The following ULK4 variants were observed in gnomAD, a reference collection of about 807,000 sequenced individuals.
The protein encoded by ULK4 is unc-51 like kinase 4.
In ULK4, 133 loss-of-function variants were observed where a neutral mutation model predicts 160.6. The ratio of observed to expected loss-of-function variants is 0.83; its 90% confidence interval spans 0.72 to 0.96. The LOEUF (loss-of-function observed/expected upper bound fraction) is 0.96, where lower values mean the gene tolerates loss of function less well. Ranked by LOEUF, ULK4 falls within the 40% of genes least tolerant of loss-of-function variation. The pLI is 0.00. For missense variants in ULK4, 1,580 were observed against 1,499.5 expected (o/e 1.05, Z -0.89); for synonymous variants, 534 against 539.8 (o/e 0.99, Z 0.15).
chr3:41,746,754 C>G (rs2038436333), intron 22 of ULK4, among the ~76,000 whole-genome samples: 1 of 151,862 alleles, frequency 6.6e-6, no homozygotes. Flanking sequence ...GTCAAGTAAT[C>G]TTAATTACAG....
In ULK4 at chr3:41,371,247, T is replaced by C. The variant is rs116843026; in HGVS notation, c.3678+26832A>G. On this transcript the variant is annotated intron_variant, in intron 35 of 36. Coordinates refer to ENST00000301831, the MANE Select transcript of ULK4 (RefSeq NM_017886.4). ...AGCAGACTTAAATGTTCCTGCTTGC[T>C]GGGTCTGAAGAGAGCAGCGGTTCTC... Among the ~76,000 whole-genome samples, 446 of 152,326 alleles carry C rather than the reference T, an allele frequency of 2.9e-3. 2 individuals carry two copies. Among genetic ancestry groups the C allele is most frequent in the East Asian group, 0.015 (78 of 5,166 alleles).
chr3:41,454,850 G>A (rs1169509413), intron 34 of ULK4, among the ~76,000 whole-genome samples: 3 of 151,296 alleles, frequency 2.0e-5, no homozygotes, highest in Admixed American at 1.3e-4. Context: ...ACACCACCAC[G>A]CCTGGCTAAT....
rs201664339 is a variant in ULK4, at chr3:41,385,058, T to TA, written c.3678+13020dup. 1.6e-3 allele frequency among the ~76,000 whole-genome samples: 236 copies of TA among 146,940 alleles called. 1 individual carries two copies. The highest frequency in any genetic ancestry group is 2.8e-3 in the Non-Finnish European group (185 of 66,396). ...AACAGAGAGACCTTGTCTCAAAAAATAAAAAAAAAAGTATTAAGTAGATAT... is the reference window on the plus strand; with the variant it reads ...AACAGAGAGACCTTGTCTCAAAAAATAAAAAAAAAAAGTATTAAGTAGATAT... On this transcript the variant is annotated intron_variant, in intron 35 of 36. Transcript: ENST00000301831.
At chr3:41,823,210 GA>G (rs1250690284) in intron 18 of ULK4, among the ~76,000 whole-genome samples, 2 of 152,166 alleles carry the variant, frequency 1.3e-5, no homozygotes, top group Admixed American at 6.6e-5. Flanking sequence ...AAACAACTCA[GA>G]AGAAAATATT....
chr3:41,464,120 A>T (rs534926787), intron 32 of ULK4, among the ~76,000 whole-genome samples: 4 of 152,150 alleles, frequency 2.6e-5, no homozygotes, highest in Non-Finnish European at 5.9e-5. Context: ...CTGGACCTGC[A>T]ATCTATTTGT....
At chr3:41,279,272 AAAAC>A (rs1575388174) in intron 35 of ULK4, among the ~76,000 whole-genome samples, 2 of 146,460 alleles carry the variant, frequency 1.4e-5, no homozygotes, top group South Asian at 2.1e-4. Context: ...AAAAAAAAAA[AAAAC>A]AAAACGACAA....
At chr3:41,813,361 A>G (rs2040871679) in intron 19 of ULK4, among the ~76,000 whole-genome samples, 1 of 152,240 alleles carries the variant, frequency 6.6e-6, no homozygotes, top group South Asian at 2.1e-4. Context: ...TTTATTATTC[A>G]TATTTTCTTA....
chr3:41,509,628 CA>C (rs2085503228), intron 32 of ULK4, among the ~76,000 whole-genome samples: 1 of 152,160 alleles, frequency 6.6e-6, no homozygotes, highest in South Asian at 2.1e-4. Context: ...ACAGATTTAT[CA>C]GTAGAAACTC....
chr3:41,770,314 G>A (rs942357460), intron 21 of ULK4, among the ~76,000 whole-genome samples: 1 of 151,966 alleles, frequency 6.6e-6, no homozygotes, highest in East Asian at 1.9e-4. Context: ...TGTGTTACAG[G>A]TTTGTGTCAA....
intron 25 of ULK4, among the ~76,000 whole-genome samples, chr3:41,710,366 TATAGTC>T (rs2037049364): frequency 6.6e-6 from 1 of 152,086 alleles, no homozygotes; most frequent in African/African-American, 2.4e-5. Context: ...GAAAGGAACA[TATAGTC>T]ATTGGCTGAT....
intron 34 of ULK4, among the ~76,000 whole-genome samples, chr3:41,405,782 T>C (rs1056111954): frequency 6.6e-6 from 1 of 152,148 alleles, no homozygotes; most frequent in East Asian, 1.9e-4. Flanking sequence ...TTAAGAAATG[T>C]CTGTTCAAGT....
At chr3:41,882,531 C>T (rs1697561057) in intron 17 of ULK4, among the ~76,000 whole-genome samples, 1 of 152,180 alleles carries the variant, frequency 6.6e-6, no homozygotes, top group East Asian at 1.9e-4. Flanking sequence ...AATCTTTATC[C>T]TCTTTCTTTC....
At chr3:41,735,003 A>T (rs2037977759) in intron 22 of ULK4, among the ~76,000 whole-genome samples, 1 of 152,202 alleles carries the variant, frequency 6.6e-6, no homozygotes, top group South Asian at 2.1e-4. Flanking sequence ...GGTTTTCTCA[A>T]CCCTGTGAAC....
At chr3:41,924,265 A>G (rs1699298645) in intron 5 of ULK4, among the ~76,000 whole-genome samples, 1 of 152,170 alleles carries the variant, frequency 6.6e-6, no homozygotes, top group South Asian at 2.1e-4. Context: ...CCATACTTAG[A>G]CAGTGAATTC....
chr3:41,547,152 T>C lies in ULK4; in HGVS notation c.3226+18873A>G, dbSNP rs77589802. ...TAAATCATGAAAATTGAACACAGAG[T>C]AGGTTCAAGGTAACATCAATAAATT... On this transcript the variant is annotated intron_variant, in intron 32 of 36. Transcript: ENST00000301831. 9.5e-3 allele frequency among the ~76,000 whole-genome samples: 1,448 copies of C among 152,056 alleles called. 7 individuals are homozygous for C. The highest frequency in any genetic ancestry group is 0.013 in the Non-Finnish European group (881 of 67,966).
chr3:41,471,447 G>A (rs1285937817), intron 32 of ULK4, among the ~76,000 whole-genome samples: 3 of 152,126 alleles, frequency 2.0e-5, no homozygotes, highest in Non-Finnish European at 4.4e-5. Flanking sequence ...CATCCAGACA[G>A]AAATTAATAA....
intron 17 of ULK4, among the ~76,000 whole-genome samples, chr3:41,848,548 C>T (rs987621671): frequency 9.9e-5 from 15 of 152,186 alleles, no homozygotes; most frequent in Admixed American, 7.9e-4. Context: ...TTCAGAAACA[C>T]CTTTCCTCCT....
chr3:41,823,757 T>A lies in ULK4; in HGVS notation c.1765-4251A>T, dbSNP rs144850687. ...TGTCCTGAAAAGTTATTTATTTTTG[T>A]AGACTCAGGGACTTAACTTCCTTTT... On this transcript the variant is annotated intron_variant, in intron 18 of 36. Coordinates refer to ENST00000301831, the MANE Select transcript of ULK4 (RefSeq NM_017886.4). 4.9e-3 allele frequency among the ~76,000 whole-genome samples: 743 copies of A among 152,332 alleles called. 3 individuals carry two copies. The highest frequency in any genetic ancestry group is 8.6e-3 in the Non-Finnish European group (585 of 68,010).
Position 41,789,648 on chromosome 3 carries a change from A to T in ULK4, c.2193+13T>A. The T allele has an allele frequency of 6.4e-7, 1 of 1,555,628 alleles. No homozygotes were observed. The highest frequency in any genetic ancestry group is 2.0e-5 in the Admixed American group (1 of 50,282). ...TTTTTAATGTAGAGTAACAGGTAAA[A>T]TCTAAGTCAAACCTTTTCTTGGATT... On this transcript the variant is annotated intron_variant, in intron 21 of 36. Coordinates refer to ENST00000301831, the MANE Select transcript of ULK4 (RefSeq NM_017886.4).
Sources: gnomAD v4.1 joint callset for allele counts (sites outside exome capture counted in the v4.1 genomes callset) on GRCh38, gnomAD v4.1.1 for gene constraint, MANE v1.5 for transcripts, NCBI Gene and HGNC (gene_info 2026-07-23, HGNC 2026-07-21) for gene names.